Variants in TANC2 observed in about 807,000 individuals in gnomAD.
TANC2 encodes tetratricopeptide repeat, ankyrin repeat and coiled-coil containing 2, also known as protein TANC2.
A neutral mutation model predicts 210.5 loss-of-function variants in TANC2; 26 were observed. That is an observed-to-expected ratio of 0.12 (90% CI 0.09 to 0.17). The LOEUF (loss-of-function observed/expected upper bound fraction) is 0.17. Ranked by LOEUF, TANC2 falls within the 10% of genes least tolerant of loss-of-function variation. TANC2 has a pLI of 1.00. For missense variants in TANC2, 2,129 were observed against 2,608.9 expected, an observed-to-expected ratio of 0.82 and a Z score of 4.01; for synonymous variants, 931 against 967.1, an observed-to-expected ratio of 0.96 and a Z score of 0.69.
At chr17:63,091,385 G>A (rs1363162944) in intron 3 of TANC2, among the ~76,000 whole-genome samples, 7 of 152,092 alleles carry the variant, frequency 4.6e-5, no homozygotes, top group Non-Finnish European at 1.0e-4. Flanking sequence ...ATTAATTTTT[G>A]TATAAGGTGA....
intron 5 of TANC2, among the ~76,000 whole-genome samples, chr17:63,189,477 G>A (rs1009519345): frequency 1.3e-5 from 2 of 152,106 alleles, no homozygotes; most frequent in Non-Finnish European, 2.9e-5. Flanking sequence ...ATCTCCTTGT[G>A]GTTTTGATTT....
chr17:63,393,777 T>TTATTA (rs945573885), intron 17 of TANC2, among the ~76,000 whole-genome samples: 1 of 76,978 alleles, frequency 1.3e-5, no homozygotes, highest in African/African-American at 3.8e-5. Flanking sequence ...ATTATTATTA[T>TTATTA]TTTTTTTTTT....
chr17:63,124,207 A>C (rs976539549), intron 4 of TANC2, among the ~76,000 whole-genome samples: 78 of 152,058 alleles, frequency 5.1e-4, no homozygotes, highest in African/African-American at 1.8e-3. Flanking sequence ...CAGAGCTCCA[A>C]CTTAGACCTC....
intron 9 of TANC2, among the ~76,000 whole-genome samples, chr17:63,293,921 GT>G (rs1451080447): frequency 2.9e-4 from 44 of 151,904 alleles, no homozygotes; most frequent in Non-Finnish European, 4.4e-5. Flanking sequence ...TAGAGATGAG[GT>G]TTTGCCATGT....
At chr17:63,230,086 G>A (rs986773519) in intron 7 of TANC2, among the ~76,000 whole-genome samples, 8 of 152,038 alleles carry the variant, frequency 5.3e-5, no homozygotes, top group East Asian at 1.9e-4. Flanking sequence ...GTGAGCCACC[G>A]TACCTGGCCC....
At chr17:63,256,041 G>A (rs2043186279) in intron 8 of TANC2, among the ~76,000 whole-genome samples, 1 of 151,510 alleles carries the variant, frequency 6.6e-6, no homozygotes, top group African/African-American at 2.4e-5. Context: ...GAGTAGCTGG[G>A]ATTACAAATG....
intron 9 of TANC2, among the ~76,000 whole-genome samples, chr17:63,278,431 C>T (rs2043958657): frequency 6.6e-6 from 1 of 151,764 alleles, no homozygotes; most frequent in South Asian, 2.1e-4. Flanking sequence ...GAGATAGTAC[C>T]TCACACCTGT....
chr17:63,024,249 C>G (rs2034462437), intron 2 of TANC2, among the ~76,000 whole-genome samples: 1 of 152,166 alleles, frequency 6.6e-6, no homozygotes, highest in South Asian at 2.1e-4. Flanking sequence ...TAAAGAATGG[C>G]TACTCCTTAG....
intron 2 of TANC2, among the ~76,000 whole-genome samples, chr17:63,015,074 C>G (rs535136005): frequency 5.0e-4 from 75 of 151,384 alleles, no homozygotes; most frequent in Non-Finnish European, 1.0e-3. Flanking sequence ...ATACTTTATT[C>G]TTTATATTAA....
chr17:63,410,627 C>T (rs536029829), intron 21 of TANC2, among the ~76,000 whole-genome samples: 2 of 151,994 alleles, frequency 1.3e-5, no homozygotes, highest in African/African-American at 2.4e-5. Context: ...CAGTGAGGGC[C>T]GAGGCAGGTG....
intron 11 of TANC2, among the ~76,000 whole-genome samples, chr17:63,320,047 A>G (rs1314380275): frequency 2.0e-5 from 3 of 152,186 alleles, no homozygotes; most frequent in Non-Finnish European, 2.9e-5. Flanking sequence ...CACCATCCCA[A>G]TACAATTATT....
At chr17:63,221,931 C>T (rs540085625) in intron 7 of TANC2, among the ~76,000 whole-genome samples, 7 of 152,324 alleles carry the variant, frequency 4.6e-5, no homozygotes, top group South Asian at 2.1e-4. Context: ...CATATGTCTA[C>T]GCAAAGACCA....
In TANC2 at chr17:63,021,393, T is replaced by A. The variant is rs562647433; in HGVS notation, c.67+11767T>A. Among the ~76,000 whole-genome samples, 44 of 152,320 alleles carry A rather than the reference T, an allele frequency of 2.9e-4. 2 individuals carry two copies. In the South Asian group the frequency reaches 4.6e-3, roughly 16 times the overall value. On this transcript the variant is annotated intron_variant, in intron 2 of 27. Transcript: ENST00000689528. The stretch of plus-strand genomic sequence containing the variant: ...TCTTTAAGGTGGATTAATGTCTTTC[T>A]TGTGAGACTGCATTAGCTTTTGTGA...
rs1232561602 is a variant in TANC2 at position 63,316,946 on chromosome 17, AG to A, written c.1442-2010del. On this transcript the variant is annotated intron_variant, in intron 10 of 27. Coordinates refer to ENST00000689528, the Ensembl canonical transcript of TANC2. ...TTGGCTTAATTTTTTACAGAATATA[AG>A]TTATTAATATAAGTTATTATATTAA... 1.1e-4 allele frequency among the ~76,000 whole-genome samples: 6 copies of A among 54,194 alleles called. No individual in the cohort carries two copies. In the African/African-American group the frequency reaches 2.8e-3, roughly 25 times the overall value. 35.6% of individuals were successfully genotyped at this position (54,194 alleles called of 152,430 possible).
intron 1 of TANC2, chr17:63,005,166 A>G (rs2033560986): frequency 6.6e-6 from 1 of 152,196 alleles, no homozygotes; most frequent in Admixed American, 6.6e-5. Flanking sequence ...TTTTTAAAAA[A>G]TGCATTATCT....
At chr17:63,152,634 G>T (rs1240414888) in intron 5 of TANC2, 1 of 152,100 alleles carries the variant, frequency 6.6e-6, no homozygotes, top group Admixed American at 6.6e-5. Context: ...TTGAGGTATT[G>T]TCACGCTTCT....
chr17:62,966,291 G>T lies in TANC2; in HGVS notation c.-482G>T, dbSNP rs924455101. ...GGTTGCTGGGCGCGCTGCTCCGGCG[G>T]GGCCCGCTGGCACAGCCGCCTCGCG... is the stretch of plus-strand genomic sequence containing the variant. On this transcript the variant is annotated 5_prime_UTR_variant, in exon 1 of 28. Coordinates refer to ENST00000689528, the Ensembl canonical transcript of TANC2. The surrounding 1 kb of genome is among the most constrained non-coding windows in gnomAD (Gnocchi z 5.1). Among the ~76,000 whole-genome samples, 31 of 146,282 alleles carry T rather than the reference G, an allele frequency of 2.1e-4. No homozygotes were observed. Among genetic ancestry groups the T allele is most frequent in the Admixed American group, 1.6e-3 (24 of 14,760 alleles).
intron 8 of TANC2, among the ~76,000 whole-genome samples, chr17:63,251,129 T>C (rs1380492141): frequency 6.6e-6 from 1 of 152,176 alleles, no homozygotes; most frequent in Non-Finnish European, 1.5e-5. Flanking sequence ...TTCTTTCTTG[T>C]TCTCAAGAAC....
At chr17:63,170,583 T>A (rs923543088) in intron 5 of TANC2, among the ~76,000 whole-genome samples, 4 of 152,178 alleles carry the variant, frequency 2.6e-5, no homozygotes, top group African/African-American at 9.7e-5. Flanking sequence ...TGCACACACA[T>A]ACTAAAGTAT....
Sources: allele counts gnomAD v4.1 joint callset (sites outside exome capture counted in the v4.1 genomes callset), GRCh38; gene constraint gnomAD v4.1.1; non-coding constraint Gnocchi (gnomAD v3.1); transcripts MANE v1.5; gene names NCBI Gene and HGNC (gene_info 2026-07-23, HGNC 2026-07-21).